Variants in LRIG2 observed in about 807,000 individuals in gnomAD.
LRIG2 encodes the protein leucine-rich repeats and immunoglobulin-like domains protein 2.
Under a neutral mutation model 107.8 loss-of-function variants are expected in LRIG2, and 93 were observed. The observed-to-expected ratio is 0.86, with a 90% CI of 0.73 to 1.03. The LOEUF is 1.03. Among genes scored for constraint, LRIG2 ranks in the 50% least tolerant of loss-of-function variants. LRIG2 has a pLI of 0.00. For missense variants in LRIG2, 1,226 were observed against 1,296.0 expected, an observed-to-expected ratio of 0.95 and a Z score of 0.83; for synonymous variants, 471 against 470.6, an observed-to-expected ratio of 1.00 and a Z score of -0.01.
rs370846122 is a variant in LRIG2 at position 113,119,457 on chromosome 1, T to C, written c.2905T>C (p.Ser969Pro). ...GATACCGTCAGCCAACAGAGAGCCA[T>C]CTGCCTTTCCCACCAACCATGAGAG... is the stretch of plus-strand genomic sequence containing the variant. Reference protein sequence around the residue: ...SLIPSANREPSAFPTNHERIS... With the variant: ...SLIPSANREPPAFPTNHERIS... Residue 969 changes from serine (S) to proline (P), a missense_variant, in exon 17 of 18, where the codon TCT (serine) becomes CCT (proline). Transcript: ENST00000361127. The C allele has an allele frequency of 1.1e-4, 184 of 1,614,032 alleles. No homozygotes were observed. The highest frequency in any genetic ancestry group is 1.4e-4 in the Non-Finnish European group (166 of 1,180,024).
Position 113,114,431 on chromosome 1 carries a change from A to G in LRIG2, c.2085A>G (p.Thr695=). 1.3e-6 allele frequency: 2 copies of G among 1,562,718 alleles called. No homozygotes were observed. The highest frequency in any genetic ancestry group is 1.7e-6 in the Non-Finnish European group (2 of 1,155,538). The change falls in exon 15 of 18, where the codon ACA becomes ACG. Residue 695 remains threonine (T), a synonymous_variant. Transcript: ENST00000361127. ...TTTTTAATGTTTTCCTGTTAGAGAC[A>G]CCCTCATTTATTAGACCCCTGGAGG... ...SANASLTVLE[T]PSFIRPLEDK...
At chr1:113,079,300 A>T (rs1557894981) in intron 1 of LRIG2, among the ~76,000 whole-genome samples, 1 of 150,362 alleles carries the variant, frequency 6.7e-6, no homozygotes, top group African/African-American at 2.4e-5. Flanking sequence ...ATGAGCCGAA[A>T]TCATGCCGCT....
intron 11 of LRIG2, chr1:113,103,153 G>A (rs1246103897): frequency 6.6e-6 from 1 of 152,160 alleles, no homozygotes; most frequent in Non-Finnish European, 1.5e-5. Flanking sequence ...TTTGAGAGTT[G>A]TCACAAAGAT....
chr1:113,073,239 A>C lies in LRIG2; in HGVS notation c.-168A>C, dbSNP rs1652768656. ...TCAGGCCGTGTGTCCCAGGCCGTCG[A>C]CCCCGCTGTCGCGCTGCGTCTGCTC... On this transcript the variant is annotated 5_prime_UTR_variant, in exon 1 of 18. Coordinates refer to ENST00000361127, the MANE Select transcript of LRIG2 (RefSeq NM_014813.3). The C allele has an allele frequency of 1.6e-6, 1 of 640,042 alleles. No individual in the cohort carries two copies. Among genetic ancestry groups the C allele is most frequent in the Non-Finnish European group, 2.8e-6 (1 of 362,422 alleles). 39.6% of individuals were successfully genotyped at this position (640,042 alleles called of 1,614,324 possible). A position where few individuals can be genotyped will look rare whatever the true frequency, so the allele number is the denominator to read the frequency against.
At chr1:113,105,801 A>G (rs1654514204) in intron 11 of LRIG2, among the ~76,000 whole-genome samples, 1 of 152,248 alleles carries the variant, frequency 6.6e-6, no homozygotes, top group Non-Finnish European at 1.5e-5. Context: ...ACCAACTGTT[A>G]GAGAAAAAAT....
chr1:113,083,368 C>T (rs1338692474), intron 1 of LRIG2, among the ~76,000 whole-genome samples: 18 of 103,812 alleles, frequency 1.7e-4, no homozygotes, highest in African/African-American at 5.7e-4. Context: ...TTTTTTGAGA[C>T]GGAGTCTTGT....
At chr1:113,073,973 G>A (rs1652835832) in intron 1 of LRIG2, among the ~76,000 whole-genome samples, 1 of 120,196 alleles carries the variant, frequency 8.3e-6, no homozygotes, top group Non-Finnish European at 1.6e-5. Context: ...GACTTTGGAT[G>A]GTTGGTGGGG....
chr1:113,104,559 A>G (rs138022123), intron 11 of LRIG2, among the ~76,000 whole-genome samples: 3 of 151,034 alleles, frequency 2.0e-5, no homozygotes, highest in Admixed American at 1.3e-4. Context: ...CCTCTGTCAC[A>G]TAGGCTGGAG....
intron 1 of LRIG2, among the ~76,000 whole-genome samples, chr1:113,076,146 C>T (rs544046898): frequency 3.3e-5 from 5 of 151,902 alleles, no homozygotes; most frequent in African/African-American, 1.2e-4. Flanking sequence ...GCTGGGATTA[C>T]AGACTTGAGC....
intron 9 of LRIG2, 72 bp from the exon 10 acceptor site, chr1:113,100,139 A>G (rs1654243430): frequency 1.1e-6 from 1 of 877,302 alleles, no homozygotes; most frequent in Non-Finnish European, 1.7e-6. Flanking sequence ...TTCACTTTTT[A>G]TAGGTAAATG....
intron 5 of LRIG2, 31 bp downstream of exon 5, chr1:113,094,513 GAT>G (rs1203029396): frequency 6.3e-7 from 1 of 1,581,644 alleles, no homozygotes; most frequent in Non-Finnish European, 8.6e-7. Flanking sequence ...ATTATAAGAA[GAT>G]AGTTTTTTCT....
intron 1 of LRIG2, among the ~76,000 whole-genome samples, chr1:113,081,491 A>G (rs1362704805): frequency 1.3e-5 from 2 of 151,662 alleles, no homozygotes; most frequent in Non-Finnish European, 2.9e-5. Context: ...TACCCAGCTA[A>G]TTTTTGTATT....
chr1:113,121,526 G>A (rs1332644570), intron 17 of LRIG2, among the ~76,000 whole-genome samples: 1 of 151,908 alleles, frequency 6.6e-6, no homozygotes, highest in East Asian at 1.9e-4. Context: ...GGTGGATCAT[G>A]AGGTCAGGAG....
At chr1:113,108,576 T>C (rs2101052658) in intron 12 of LRIG2, among the ~76,000 whole-genome samples, 1 of 151,568 alleles carries the variant, frequency 6.6e-6, no homozygotes, top group African/African-American at 2.4e-5. Context: ...AATTTTCCTT[T>C]ACACTTAAAT....
intron 11 of LRIG2, among the ~76,000 whole-genome samples, chr1:113,105,804 G>GA (rs1570755916): frequency 6.6e-6 from 1 of 152,172 alleles, no homozygotes. Flanking sequence ...AACTGTTAGA[G>GA]AAAAAATTAC....
At chr1:113,089,658 C>T (rs1653704496) in intron 1 of LRIG2, among the ~76,000 whole-genome samples, 1 of 134,144 alleles carries the variant, frequency 7.5e-6, no homozygotes. Context: ...TTAATTTCCT[C>T]TTACTGAAGG....
At chr1:113,083,769 T>G (rs930453429) in intron 1 of LRIG2, among the ~76,000 whole-genome samples, 2 of 147,728 alleles carry the variant, frequency 1.4e-5, no homozygotes, top group African/African-American at 5.0e-5. Context: ...TACCTTAGAC[T>G]GTTGCTTGGA....
At chr1:113,081,513 C>T (rs1251013054) in intron 1 of LRIG2, among the ~76,000 whole-genome samples, 2 of 151,702 alleles carry the variant, frequency 1.3e-5, no homozygotes, top group East Asian at 1.9e-4. Flanking sequence ...TTAGTAGAGA[C>T]GGGGTTTCAC....
At chr1:113,083,847 C>G (rs1653399712) in intron 1 of LRIG2, among the ~76,000 whole-genome samples, 2 of 94,996 alleles carry the variant, frequency 2.1e-5, no homozygotes. Flanking sequence ...ATGCCAGGGC[C>G]TGTTGTGGGG....
Sources: gnomAD v4.1 joint callset for allele counts (sites outside exome capture counted in the v4.1 genomes callset) on GRCh38, gnomAD v4.1.1 for gene constraint, MANE v1.5 for transcripts, NCBI Gene and HGNC (gene_info 2026-07-23, HGNC 2026-07-21) for gene names.